KCNMA1: variants seen among roughly 807,000 people sequenced by gnomAD.
KCNMA1 encodes potassium calcium-activated channel subfamily M alpha 1, also known as Calcium-activated potassium channel subunit alpha-1.
In KCNMA1, 29 loss-of-function variants were observed where a neutral mutation model predicts 140.0. That is an observed-to-expected ratio of 0.21 (90% CI 0.15 to 0.28). The LOEUF is 0.28. Among genes scored for constraint, KCNMA1 ranks in the 10% least tolerant of loss-of-function variants. The pLI is 1.00. For synonymous variants in KCNMA1, 612 were observed against 611.9 expected (o/e 1.00, Z 0.00); for missense variants, 880 against 1,602.2 (o/e 0.55, Z 7.70).
chr10:77,409,510 C>G (rs936250759), intron 1 of KCNMA1, among the ~76,000 whole-genome samples: 1 of 152,228 alleles, frequency 6.6e-6, no homozygotes, highest in Non-Finnish European at 1.5e-5. Context: ...GACAGTCACT[C>G]TGCTGCCCCA....
chr10:77,227,548 C>A lies in KCNMA1; in HGVS notation c.602+23647G>T, dbSNP rs534794717. On this transcript the variant is annotated intron_variant, in intron 3 of 27. Transcript: ENST00000286628. ...CTTCATTATTATACCAATCTTAACTCAGAAATAAATCACCAGGTTTAGCAC... is the reference window on the plus strand; with the variant it reads ...CTTCATTATTATACCAATCTTAACTAAGAAATAAATCACCAGGTTTAGCAC... Among the ~76,000 whole-genome samples, 8 of 152,314 alleles carry A rather than the reference C, an allele frequency of 5.3e-5. No homozygotes were observed. In the East Asian group the frequency reaches 1.5e-3, roughly 29 times the overall value.
chr10:77,073,190 T>C lies in KCNMA1; in HGVS notation c.1656A>G (p.Ala552=). The C allele has an allele frequency of 6.2e-7, 1 of 1,614,232 alleles. No homozygotes were observed. The highest frequency in any genetic ancestry group is 8.5e-7 in the Non-Finnish European group (1 of 1,180,018). ...WKEGDDAICL[A]ELKLGFIAQS... ...GGGCTATGAAGCCCAACTTCAACTCTGCGAGGCAGATTGCGTCATCACCTT... is the reference window on the plus strand; with the variant it reads ...GGGCTATGAAGCCCAACTTCAACTCCGCGAGGCAGATTGCGTCATCACCTT... Residue 552 remains alanine, a synonymous_variant, in exon 14 of 28, where the codon GCA becomes GCG. Coordinates refer to ENST00000286628, the MANE Select transcript of KCNMA1 (RefSeq NM_001161352.2).
chr10:77,373,367 A>G (rs1459375187), intron 2 of KCNMA1, among the ~76,000 whole-genome samples: 1 of 152,224 alleles, frequency 6.6e-6, no homozygotes, highest in African/African-American at 2.4e-5. Context: ...CAACAGTAAC[A>G]TGAGGGCGTA....
chr10:77,486,312 C>T (rs1442645232), intron 1 of KCNMA1, among the ~76,000 whole-genome samples: 4 of 152,140 alleles, frequency 2.6e-5, no homozygotes, highest in African/African-American at 9.7e-5. Flanking sequence ...TGAACTTAGG[C>T]TCTGGAGTCT....
intron 3 of KCNMA1, among the ~76,000 whole-genome samples, chr10:77,189,922 T>C (rs1432915220): frequency 2.0e-5 from 3 of 152,242 alleles, no homozygotes; most frequent in African/African-American, 7.2e-5. Flanking sequence ...CTGTTTCATA[T>C]AGTAACTCTA....
At chr10:77,587,913 A>C (rs2077749144) in intron 1 of KCNMA1, 1 of 968,270 alleles carries the variant, frequency 1.0e-6, no homozygotes, top group Non-Finnish European at 1.2e-6. Context: ...CAAGATGTTT[A>C]TAGTTTATTT....
chr10:77,138,060 C>A (rs2098086049), intron 5 of KCNMA1, among the ~76,000 whole-genome samples: 1 of 152,128 alleles, frequency 6.6e-6, no homozygotes, highest in Non-Finnish European at 1.5e-5. Context: ...GGGATTGTCG[C>A]CCATTCATTC....
At chr10:77,410,911 C>A (rs1370124525) in intron 1 of KCNMA1, among the ~76,000 whole-genome samples, 1 of 152,266 alleles carries the variant, frequency 6.6e-6, no homozygotes, top group Non-Finnish European at 1.5e-5. Flanking sequence ...GCTGTCTTCT[C>A]CGGAGTGTGT....
intron 1 of KCNMA1, among the ~76,000 whole-genome samples, chr10:77,452,567 G>A (rs533699979): frequency 8.5e-5 from 13 of 152,324 alleles, no homozygotes; most frequent in East Asian, 7.7e-4. Flanking sequence ...CCTTTCATGC[G>A]ATGGAGGTTT....
rs2043636526 is a variant in KCNMA1 at position 77,500,934 on chromosome 10, C to T, written c.379-96911G>A. On this transcript the variant is annotated intron_variant, in intron 1 of 27. Transcript: ENST00000286628. Reference sequence around the variant, plus strand: ...AGACTAGTGTGGTCCCTGGGCTTTACCTCAAATGGAAACTTATTAAAAACA... The same window carrying T: ...AGACTAGTGTGGTCCCTGGGCTTTATCTCAAATGGAAACTTATTAAAAACA... 2.0e-5 allele frequency among the ~76,000 whole-genome samples: 3 copies of T among 152,168 alleles called. No individual in the cohort carries two copies. In the South Asian group the frequency reaches 6.2e-4, roughly 32 times the overall value.
At chr10:76,893,101 G>T (rs1285439120) in intron 25 of KCNMA1, among the ~76,000 whole-genome samples, 5 of 152,108 alleles carry the variant, frequency 3.3e-5, no homozygotes, top group African/African-American at 1.2e-4. Context: ...TGGGCTGAGG[G>T]GTTTAATGCT....
chr10:76,895,147 G>A (rs965072945), intron 25 of KCNMA1, among the ~76,000 whole-genome samples: 4 of 152,114 alleles, frequency 2.6e-5, no homozygotes, highest in Non-Finnish European at 5.9e-5. Flanking sequence ...GCCGCCCCTA[G>A]TCACGTACCC....
intron 2 of KCNMA1, among the ~76,000 whole-genome samples, chr10:77,326,169 T>G (rs1358488816): frequency 6.6e-6 from 1 of 152,174 alleles, no homozygotes; most frequent in Non-Finnish European, 1.5e-5. Context: ...ACAACTTCCC[T>G]CACTGCAAAA....
intron 1 of KCNMA1, among the ~76,000 whole-genome samples, chr10:77,540,117 C>T (rs1300534200): frequency 6.6e-6 from 1 of 152,188 alleles, no homozygotes; most frequent in Non-Finnish European, 1.5e-5. Context: ...ATTGATTTCA[C>T]AGACCTGGGT....
At chr10:76,920,020 G>GTGTGTGTGTGTATATATATATA (rs1177257916) in intron 23 of KCNMA1, among the ~76,000 whole-genome samples, 7 of 34,418 alleles carry the variant, frequency 2.0e-4, no homozygotes, top group African/African-American at 7.4e-4. Context: ...GTGTGTGTGT[G>GTGTGTGTGTGTATATATATATA]TATATATATA....
At chr10:76,977,869 G>T in intron 19 of KCNMA1, 1 of 509,344 alleles carries the variant, frequency 2.0e-6, no homozygotes, top group Non-Finnish European at 3.5e-6. Context: ...TGGAAAGCAA[G>T]GCGAACCACA....
chr10:76,955,584 T>C (rs2067946526), intron 20 of KCNMA1, among the ~76,000 whole-genome samples: 1 of 152,174 alleles, frequency 6.6e-6, no homozygotes, highest in Non-Finnish European at 1.5e-5. Context: ...CCACTCCGAG[T>C]AGCATCTCAG....
chr10:76,970,438 G>A (rs973335063), intron 19 of KCNMA1: 8 of 229,392 alleles, frequency 3.5e-5, no homozygotes, highest in Non-Finnish European at 7.0e-5. Context: ...GTAATAGACT[G>A]CGTTTTGTTG....
chr10:77,204,345 T>A (rs1439929839), intron 3 of KCNMA1, among the ~76,000 whole-genome samples: 1 of 152,004 alleles, frequency 6.6e-6, no homozygotes. Flanking sequence ...CCATGAGAGG[T>A]CCAAGACCTG....
Sources: gnomAD v4.1 joint callset for allele counts (sites outside exome capture counted in the v4.1 genomes callset) on GRCh38, gnomAD v4.1.1 for gene constraint, MANE v1.5 for transcripts, NCBI Gene and HGNC (gene_info 2026-07-23, HGNC 2026-07-21) for gene names.